Variants in USP45 observed in about 807,000 individuals in gnomAD.
USP45 encodes ubiquitin carboxyl-terminal hydrolase 45.
Under a neutral mutation model 95.8 loss-of-function variants are expected in USP45, and 89 were observed. The ratio of observed to expected loss-of-function variants is 0.93; its 90% CI spans 0.78 to 1.11. The LOEUF (loss-of-function observed/expected upper bound fraction) is 1.11, where lower values mean the gene tolerates loss of function less well. USP45 is among the 50% of genes least tolerant of loss of function. USP45 has a pLI of 0.00. For synonymous variants in USP45, 281 were observed against 316.2 expected (o/e 0.89, Z 1.18); for missense variants, 898 against 942.5 (o/e 0.95, Z 0.62).
At chr6:99,458,691 T>C (rs1785639093) in intron 13 of USP45, among the ~76,000 whole-genome samples, 2 of 152,178 alleles carry the variant, frequency 1.3e-5, no homozygotes, top group Non-Finnish European at 2.9e-5. Context: ...AGGTACAACT[T>C]ATGTTATGAT....
At chr6:99,508,362 A>G (rs1444374316) in intron 3 of USP45, among the ~76,000 whole-genome samples, 3 of 152,224 alleles carry the variant, frequency 2.0e-5, no homozygotes, top group African/African-American at 7.2e-5. Context: ...TGGTCCAGAT[A>G]TGGGAACTAC....
chr6:99,437,435 T>C (rs372565886), intron 16 of USP45, 36 bp from the exon 17 acceptor site: 1 of 1,553,946 alleles, frequency 6.4e-7, no homozygotes, highest in Non-Finnish European at 8.7e-7. Flanking sequence ...ATTAGTAATA[T>C]TTGTTAAATA....
intron 4 of USP45, among the ~76,000 whole-genome samples, chr6:99,506,863 A>C (rs1338391029): frequency 6.6e-6 from 1 of 151,948 alleles, no homozygotes; most frequent in East Asian, 1.9e-4. Flanking sequence ...CTACCAAAAA[A>C]ATCAACTAAA....
At chr6:99,492,036 A>G (rs923556404) in intron 5 of USP45, among the ~76,000 whole-genome samples, 1 of 152,254 alleles carries the variant, frequency 6.6e-6, no homozygotes, top group Non-Finnish European at 1.5e-5. Flanking sequence ...GCAAAGACAC[A>G]TAACATTTTA....
chr6:99,444,700 C>A (rs1357818819), intron 14 of USP45, among the ~76,000 whole-genome samples: 2 of 152,158 alleles, frequency 1.3e-5, no homozygotes, highest in Non-Finnish European at 2.9e-5. Flanking sequence ...CTAGCCAATC[C>A]TAAGCCTGCT....
At chr6:99,488,064 C>T (rs1794379395) in intron 7 of USP45, 136 bp downstream of exon 7, 2 of 627,826 alleles carry the variant, frequency 3.2e-6, no homozygotes, top group Admixed American at 3.4e-5. Context: ...TGATTATTTT[C>T]ACAGAATGCT....
chr6:99,447,096 T>G (rs957458598), intron 13 of USP45, among the ~76,000 whole-genome samples: 3 of 151,792 alleles, frequency 2.0e-5, no homozygotes, highest in African/African-American at 4.8e-5. Context: ...AATTAAAAAG[T>G]AACAAAAGTA....
chr6:99,506,550 C>T (rs996715107), intron 4 of USP45, among the ~76,000 whole-genome samples: 1 of 152,162 alleles, frequency 6.6e-6, no homozygotes, highest in Non-Finnish European at 1.5e-5. Flanking sequence ...CTCAAGTGAT[C>T]CGCCCACCTC....
intron 9 of USP45, among the ~76,000 whole-genome samples, chr6:99,475,775 C>G (rs1330990680): frequency 6.6e-6 from 1 of 151,594 alleles, no homozygotes; most frequent in Non-Finnish European, 1.5e-5. Context: ...AATTATTTCT[C>G]AACTGTACTT....
intron 13 of USP45, among the ~76,000 whole-genome samples, chr6:99,455,287 A>G (rs186850581): frequency 6.6e-6 from 1 of 152,096 alleles, no homozygotes; most frequent in East Asian, 1.9e-4. Flanking sequence ...TCTAATAAAA[A>G]TACAAAAATT....
At chr6:99,439,936 T>C in intron 15 of USP45, 81 bp from the exon 16 acceptor site, 11 of 1,057,522 alleles carry the variant, frequency 1.0e-5, no homozygotes, top group Non-Finnish European at 1.5e-5. Context: ...AAAAGAGAAA[T>C]TGTAGGACTT....
chr6:99,453,665 T>C (rs1025947555), intron 13 of USP45, among the ~76,000 whole-genome samples: 1 of 152,102 alleles, frequency 6.6e-6, no homozygotes, highest in Non-Finnish European at 1.5e-5. Context: ...TCCTAAAATA[T>C]GTATGGAACC....
intron 13 of USP45, among the ~76,000 whole-genome samples, chr6:99,455,841 A>AG (rs1784930953): frequency 6.7e-6 from 1 of 150,262 alleles, no homozygotes; most frequent in Non-Finnish European, 1.5e-5. Context: ...AAAAAAAAAA[A>AG]AAAAAAAGTT....
chr6:99,452,907 A>C (rs1192869532), intron 13 of USP45, among the ~76,000 whole-genome samples: 1 of 152,126 alleles, frequency 6.6e-6, no homozygotes, highest in East Asian at 1.9e-4. Flanking sequence ...AACCATCATT[A>C]TCAGCAAACT....
chr6:99,478,502 A>G (rs918032526), intron 8 of USP45, among the ~76,000 whole-genome samples: 1 of 152,146 alleles, frequency 6.6e-6, no homozygotes, highest in African/African-American at 2.4e-5. Flanking sequence ...AGAGAAAAAT[A>G]TATGTACAAG....
chr6:99,447,581 A>C (rs1782806985), intron 13 of USP45, among the ~76,000 whole-genome samples: 1 of 152,216 alleles, frequency 6.6e-6, no homozygotes, highest in Non-Finnish European at 1.5e-5. Flanking sequence ...CCACAGCTCA[A>C]GGAGGCCTGC....
At chr6:99,514,261 G>C (rs1171903830) in intron 1 of USP45, among the ~76,000 whole-genome samples, 1 of 152,112 alleles carries the variant, frequency 6.6e-6, no homozygotes, top group Non-Finnish European at 1.5e-5. Flanking sequence ...CTCCCAAGAG[G>C]GGTCAAACAA....
chr6:99,494,169 T>C (rs1795802327), intron 5 of USP45, among the ~76,000 whole-genome samples: 1 of 152,152 alleles, frequency 6.6e-6, no homozygotes, highest in African/African-American at 2.4e-5. Flanking sequence ...GGGATTTATC[T>C]CACCTTGGGA....
intron 4 of USP45, among the ~76,000 whole-genome samples, chr6:99,507,099 C>CA: frequency 6.6e-6 from 1 of 152,222 alleles, no homozygotes; most frequent in Non-Finnish European, 1.5e-5. Context: ...CCCAGCTACT[C>CA]AGGAGGCTGA....
Sources: allele counts gnomAD v4.1 joint callset (sites outside exome capture counted in the v4.1 genomes callset), GRCh38; gene constraint gnomAD v4.1.1; transcripts MANE v1.5; gene names NCBI Gene and HGNC (gene_info 2026-07-23, HGNC 2026-07-21).